TTYH3: variants seen among roughly 807,000 people sequenced by gnomAD.
TTYH3 encodes protein tweety homolog 3.
Under a neutral mutation model 68.2 loss-of-function variants are expected in TTYH3, and 23 were observed. The ratio of observed to expected loss-of-function variants is 0.34; its 90% CI spans 0.24 to 0.48. The LOEUF is 0.48. TTYH3 is among the 20% of genes least tolerant of loss of function. The probability of loss-of-function intolerance (pLI) is 0.99; values close to 1 mark genes in which losing one functional copy is unlikely to be tolerated. For missense variants in TTYH3, 768 were observed against 727.7 expected (o/e 1.06, Z -0.64); for synonymous variants, 360 against 332.8 (o/e 1.08, Z -0.89).
intron 5 of TTYH3, chr7:2,648,258 C>T (rs535467064): frequency 1.8e-5 from 10 of 566,032 alleles, no homozygotes; most frequent in Non-Finnish European, 2.8e-5. Flanking sequence ...CATCCCAGCA[C>T]ACTTGCCCCC....
chr7:2,643,220 T>C (rs1785897978), intron 1 of TTYH3, among the ~76,000 whole-genome samples: 1 of 151,482 alleles, frequency 6.6e-6, no homozygotes, highest in Non-Finnish European at 1.5e-5. Flanking sequence ...CCAGGCTTGG[T>C]GGCGGGTGCC....
intron 1 of TTYH3, among the ~76,000 whole-genome samples, chr7:2,636,676 C>T (rs150429937): frequency 3.9e-5 from 6 of 152,250 alleles, no homozygotes; most frequent in South Asian, 2.1e-4. Context: ...GCAGGAAGCC[C>T]CTGATGGCTG....
rs1785659710 is a variant in TTYH3, at chr7:2,636,472, G to C, written c.123+4194G>C. 2.6e-5 allele frequency among the ~76,000 whole-genome samples: 4 copies of C among 152,128 alleles called. No homozygotes were observed. The South Asian group carries it at 6.2e-4, about 24-fold the overall frequency. On this transcript the variant is annotated intron_variant, in intron 1 of 13. Coordinates refer to ENST00000258796, the MANE Select transcript of TTYH3 (RefSeq NM_025250.3). ...TGACATGTCTCGTACTTTGGACCGT[G>C]TTCCAGATGCTTGTCCAGCGTCCCA...
intron 3 of TTYH3, 81 bp downstream of exon 3, chr7:2,647,334 C>T (rs1786023947): frequency 1.3e-6 from 2 of 1,509,974 alleles, no homozygotes; most frequent in South Asian, 1.2e-5. Flanking sequence ...GCGGGGCAGC[C>T]GGGACTGGGG....
At chr7:2,660,416 G>T in intron 13 of TTYH3, 1 of 985,414 alleles carries the variant, frequency 1.0e-6, no homozygotes, top group Non-Finnish European at 1.2e-6. Flanking sequence ...TGCCCTGGAG[G>T]CACCAACTGC....
chr7:2,649,903 C>A lies in TTYH3; in HGVS notation c.796-10C>A, dbSNP rs1286217055. The stretch of plus-strand genomic sequence containing the variant: ...GGTCAACCCCTCTTGCTTGCCCACG[C>A]CCACCTCAGGGCTCCAGCGACTTCT... On this transcript the variant is annotated splice_polypyrimidine_tract_variant and intron_variant, in intron 6 of 13. Coordinates refer to ENST00000258796, the MANE Select transcript of TTYH3 (RefSeq NM_025250.3). 1 of 1,613,810 alleles carries A rather than the reference C, an allele frequency of 6.2e-7. No individual in the cohort carries two copies. Among genetic ancestry groups the A allele is most frequent in the Non-Finnish European group, 8.5e-7 (1 of 1,179,882 alleles).
In TTYH3 at chr7:2,647,584, C is replaced by T; in HGVS notation, c.572C>T (p.Thr191Met). ...YTAAIPFWRN[T>M]AVSLEVLAEQ... ...GCCGCCATCCCCTTTTGGAGGAACA[C>T]GGCGGTGTCGCTGGAGGTGCTGGCG... Residue 191 changes from threonine to methionine, a missense_variant, in exon 4 of 14, where the codon ACG (threonine) becomes ATG (methionine). Coordinates refer to ENST00000258796, the MANE Select transcript of TTYH3 (RefSeq NM_025250.3). 6.4e-7 allele frequency: 1 copy of T among 1,573,068 alleles called. No homozygotes were observed. The highest frequency in any genetic ancestry group is 8.6e-7 in the Non-Finnish European group (1 of 1,160,160).
chr7:2,663,134 C>G lies in TTYH3; in HGVS notation c.*1395C>G, dbSNP rs947283147. ...TCGGACGTGCTACCCCTCCCGGTCC[C>G]GGCCCTGGCCCAGCCAGCCCAGCCC... is the stretch of plus-strand genomic sequence containing the variant. On this transcript the variant is annotated 3_prime_UTR_variant, in exon 14 of 14. Transcript: ENST00000258796. The G allele has an allele frequency of 7.2e-5, 11 of 152,416 alleles. No homozygotes were observed. Among genetic ancestry groups the G allele is most frequent in the African/African-American group, 2.7e-4 (11 of 41,444 alleles). The allele number at this position is 152,416 out of a possible 1,614,324, so 9.4% of individuals were successfully genotyped here.
At chr7:2,651,565 G>A (rs1786177220) in intron 7 of TTYH3, among the ~76,000 whole-genome samples, 2 of 152,006 alleles carry the variant, frequency 1.3e-5, no homozygotes, top group African/African-American at 4.8e-5. Flanking sequence ...TATGAGCAGC[G>A]CCCCCTACAC....
At chr7:2,656,275 CAGTGGGTCCTCAGCCCTGCCTCTGGGG>C (rs1786331485) in intron 10 of TTYH3, 91 bp downstream of exon 10, 1 of 1,562,822 alleles carries the variant, frequency 6.4e-7, no homozygotes, top group Admixed American at 1.7e-5. Flanking sequence ...CCTCAGCAGA[CAGTGGGTCCTCAGCCCTGCCTCTGGGG>C]GGCGGTCCAG....
rs112933284 is a variant in TTYH3 at position 2,662,042 on chromosome 7, C to G, written c.*303C>G. On this transcript the variant is annotated 3_prime_UTR_variant, in exon 14 of 14. Coordinates refer to ENST00000258796, the MANE Select transcript of TTYH3 (RefSeq NM_025250.3). Reference sequence around the variant, plus strand: ...GCAGATGGTCGCCGCACCTACAAGCCCTGGCCGCACCCAACCTGTGTTGTT... The same window carrying G: ...GCAGATGGTCGCCGCACCTACAAGCGCTGGCCGCACCCAACCTGTGTTGTT... 1.3e-5 allele frequency: 7 copies of G among 554,888 alleles called. 1 individual carries two copies. The highest frequency in any genetic ancestry group is 1.1e-4 in the African/African-American group (6 of 52,230). The allele number at this position is 554,888 out of a possible 1,614,324, so 34.4% of individuals were successfully genotyped here. A position where few individuals can be genotyped will look rare whatever the true frequency, so the allele number is the denominator to read the frequency against.
chr7:2,646,621 AG>A (rs1554329698), intron 1 of TTYH3, among the ~76,000 whole-genome samples: 1 of 152,156 alleles, frequency 6.6e-6, no homozygotes, highest in Non-Finnish European at 1.5e-5. Context: ...TGCAGCCTTG[AG>A]GATGGCGAGA....
In TTYH3 at chr7:2,647,588, G is replaced by A. The variant is rs1347327160; in HGVS notation, c.576G>A (p.Ala192=). The A allele has an allele frequency of 6.4e-7, 1 of 1,574,226 alleles. No homozygotes were observed. Among genetic ancestry groups the A allele is most frequent in the South Asian group, 1.2e-5 (1 of 85,516 alleles). The change falls in exon 4 of 14, where the codon GCG becomes GCA. Residue 192 remains alanine, a synonymous_variant. Transcript: ENST00000258796. The stretch of plus-strand genomic sequence containing the variant: ...CCATCCCCTTTTGGAGGAACACGGC[G>A]GTGTCGCTGGAGGTGCTGGCGGAGC... ...TAAIPFWRNT[A]VSLEVLAEQV...
intron 12 of TTYH3, 84 bp from the exon 13 acceptor site, chr7:2,658,856 C>T (rs1384967977): frequency 3.0e-6 from 4 of 1,322,942 alleles, no homozygotes; most frequent in East Asian, 2.3e-5. Flanking sequence ...CTGGGCACAG[C>T]GGGCCTACCC....
In TTYH3 at chr7:2,658,444, C is replaced by T. The variant is rs757721198; in HGVS notation, c.1409C>T (p.Pro470Leu). The T allele has an allele frequency of 1.8e-5, 29 of 1,611,588 alleles. No homozygotes were observed. The highest frequency in any genetic ancestry group is 2.2e-5 in the East Asian group (1 of 44,860). The change falls in exon 12 of 14, where the codon CCG becomes CTG. Residue 470 changes from proline (P) to leucine (L), a missense_variant. Transcript: ENST00000258796. The stretch of plus-strand genomic sequence containing the variant: ...GCGGCCCACACCGTCAGCAACGCCC[C>T]GGTCACTGAGTACATGTGAGTTGAC... ...PAAAHTVSNA[P>L]VTEYMSQNAN... is the part of the protein sequence containing the mutation.
At chr7:2,653,071 G>A (rs1422852505) in intron 9 of TTYH3, 61 bp downstream of exon 9, 1 of 1,477,852 alleles carries the variant, frequency 6.8e-7, no homozygotes, top group Non-Finnish European at 9.2e-7. Context: ...AGCATGAAAG[G>A]AATTTGTGGT....
chr7:2,658,314 G>C lies in TTYH3; in HGVS notation c.1279G>C (p.Ala427Pro). The change falls in exon 12 of 14, where the codon GCC becomes CCC. Residue 427 changes from alanine (A) to proline (P), a missense_variant. Transcript: ENST00000258796. The stretch of plus-strand genomic sequence containing the variant: ...CCCTGATGAGGACGGGGAGGAGGAG[G>C]CCGCTCCAGGGCCGCGGCAGGCGCA... ...RGPDEDGEEE[A>P]APGPRQAHDS... is the part of the protein sequence containing the mutation. 6.3e-7 allele frequency: 1 copy of C among 1,597,172 alleles called. No individual in the cohort carries two copies. The highest frequency in any genetic ancestry group is 8.5e-7 in the Non-Finnish European group (1 of 1,171,764).
At position 2,658,801 on chromosome 7, in the gene TTYH3, C is replaced by T. The variant is rs1786409724; in HGVS notation, c.1425-139C>T. ...TGGGCCCTCTCTGAGCCCTTTGTTA[C>T]TGTGCTGGGTTCGTGGGACCCCCAG... On this transcript the variant is annotated intron_variant, in intron 12 of 13. Coordinates refer to ENST00000258796, the MANE Select transcript of TTYH3 (RefSeq NM_025250.3). 6 of 850,974 alleles carry T rather than the reference C, an allele frequency of 7.1e-6. No homozygotes were observed. The East Asian group carries it at 1.5e-4, about 21-fold the overall frequency. The allele number at this position is 850,974 out of a possible 1,614,324, so 52.7% of individuals were successfully genotyped here.
At chr7:2,642,277 C>T (rs528547286) in intron 1 of TTYH3, among the ~76,000 whole-genome samples, 3 of 152,254 alleles carry the variant, frequency 2.0e-5, no homozygotes, top group East Asian at 1.9e-4. Context: ...CACAGTGACT[C>T]ATGCCTGTAA....
Sources: gnomAD v4.1 joint callset for allele counts (sites outside exome capture counted in the v4.1 genomes callset) on GRCh38, gnomAD v4.1.1 for gene constraint, MANE v1.5 for transcripts, NCBI Gene and HGNC (gene_info 2026-07-23, HGNC 2026-07-21) for gene names.